STOX2: variants seen among roughly 807,000 people sequenced by gnomAD.
STOX2 encodes storkhead box 2.
Under a neutral mutation model 60.9 loss-of-function variants are expected in STOX2, and 28 were observed. The ratio of observed to expected loss-of-function variants is 0.46; its 90% CI spans 0.34 to 0.63. STOX2 has a LOEUF of 0.63. STOX2 is among the 30% of genes least tolerant of loss of function. The pLI, the probability that STOX2 is intolerant of heterozygous loss-of-function variation, is 0.01. For synonymous variants in STOX2, 472 were observed against 463.9 expected (o/e 1.02, Z -0.22); for missense variants, 1,024 against 1,187.7 (o/e 0.86, Z 2.03).
At chr4:183,930,064 C>G (rs189875572) in intron 1 of STOX2, among the ~76,000 whole-genome samples, 1 of 151,848 alleles carries the variant, frequency 6.6e-6, no homozygotes, top group Non-Finnish European at 1.5e-5. Flanking sequence ...GGAGTTTCAC[C>G]GTATTAGCCA....
chr4:183,867,785 A>G (rs776950839), intron 1 of STOX2, among the ~76,000 whole-genome samples: 119 of 152,236 alleles, frequency 7.8e-4, no homozygotes, highest in Admixed American at 2.2e-3. Context: ...CTCAAGAGAC[A>G]CAAAGGTTGA....
At chr4:183,851,864 AGAAAGGATGAGG>A (rs1740150009) in intron 1 of STOX2, among the ~76,000 whole-genome samples, 1 of 19,444 alleles carries the variant, frequency 5.1e-5, no homozygotes, top group Non-Finnish European at 1.0e-4. Context: ...AAAGGATGAG[AGAAAGGATGAGG>A]GAAAGGATGA....
Position 184,001,213 on chromosome 4 carries a change from C to T in STOX2, c.167-112C>T, listed in dbSNP as rs143524242. ...GGAATTGGCAAGCAGCTGCTATGTTCGGAGCTGACTGTGTTCGTCAGACCA... is the reference window on the plus strand; with the variant it reads ...GGAATTGGCAAGCAGCTGCTATGTTTGGAGCTGACTGTGTTCGTCAGACCA... On this transcript the variant is annotated intron_variant, in intron 1 of 3. Transcript: ENST00000308497. This position sits in a 1 kb window ranked among gnomAD's most constrained non-coding sequence, Gnocchi z 4.2. 9.0e-5 allele frequency: 90 copies of T among 997,912 alleles called. No individual in the cohort carries two copies. The East Asian group carries it at 2.0e-3, about 23-fold the overall frequency. The allele number at this position is 997,912 out of a possible 1,614,324, so 61.8% of individuals were successfully genotyped here.
At chr4:183,909,444 C>T (rs1045960451) in intron 1 of STOX2, among the ~76,000 whole-genome samples, 6 of 152,186 alleles carry the variant, frequency 3.9e-5, no homozygotes, top group African/African-American at 1.4e-4. Context: ...GGTTTAATTA[C>T]TACTGGTATC....
chr4:183,927,477 A>G (rs573214703), intron 1 of STOX2, among the ~76,000 whole-genome samples: 20 of 152,178 alleles, frequency 1.3e-4, no homozygotes, highest in African/African-American at 4.8e-4. Context: ...CCTCTAAAAA[A>G]GGGTCATTTA....
intron 1 of STOX2, among the ~76,000 whole-genome samples, chr4:183,909,517 C>A (rs781711452): frequency 7.2e-5 from 11 of 152,100 alleles, no homozygotes; most frequent in Non-Finnish European, 1.5e-4. Flanking sequence ...GTTCAAAGGA[C>A]AAGATAAGCC....
intron 1 of STOX2, among the ~76,000 whole-genome samples, chr4:183,998,705 C>T: frequency 6.6e-6 from 1 of 152,144 alleles, no homozygotes; most frequent in Non-Finnish European, 1.5e-5. Flanking sequence ...GCATGCCTGG[C>T]TAATTTTTGT....
intron 3 of STOX2, among the ~76,000 whole-genome samples, chr4:184,012,424 T>C (rs887671724): frequency 3.9e-5 from 6 of 152,232 alleles, no homozygotes; most frequent in Non-Finnish European, 7.3e-5. Context: ...GATAGGATTA[T>C]GTACTTCATA....
chr4:184,011,398 G>A lies in STOX2; in HGVS notation c.2560G>A (p.Val854Met). 6.2e-7 allele frequency: 1 copy of A among 1,612,588 alleles called. No individual in the cohort carries two copies. Among genetic ancestry groups the A allele is most frequent in the Non-Finnish European group, 8.5e-7 (1 of 1,179,266 alleles). ...LDSMDSSSITVDSGFNSPRTR... is the reference protein window; with the variant it reads ...LDSMDSSSITMDSGFNSPRTR... The stretch of plus-strand genomic sequence containing the variant: ...CAGCATGGACAGCAGCAGCATCACA[G>A]TGGACAGTGGATTCAACTCCCCACG... Residue 854 changes from valine (V) to methionine (M), a missense_variant, in exon 3 of 4, where the codon GTG becomes ATG. Transcript: ENST00000308497. This position sits in a 1 kb window ranked among gnomAD's most constrained non-coding sequence, Gnocchi z 4.4.
At chr4:183,898,373 G>A (rs562301410) in intron 1 of STOX2, among the ~76,000 whole-genome samples, 5 of 152,268 alleles carry the variant, frequency 3.3e-5, no homozygotes, top group Admixed American at 1.3e-4. Flanking sequence ...GGAAATGTAC[G>A]CTAAGACCCC....
chr4:183,893,702 G>T (rs1375538153), intron 1 of STOX2, among the ~76,000 whole-genome samples: 1 of 152,076 alleles, frequency 6.6e-6, no homozygotes, highest in Admixed American at 6.5e-5. Context: ...TCCTGCAGGT[G>T]ATTTTTCCTG....
intron 1 of STOX2, among the ~76,000 whole-genome samples, chr4:183,954,547 CA>C (rs375308984): frequency 2.6e-5 from 4 of 152,142 alleles, no homozygotes; most frequent in African/African-American, 9.6e-5. Flanking sequence ...CTCGGCCTCC[CA>C]AAGTGCTGGG....
intron 1 of STOX2, among the ~76,000 whole-genome samples, chr4:183,877,061 A>G (rs7686308): frequency 0.98 from 148,545 of 152,276 alleles, 72,558 homozygotes; most frequent in East Asian, 1. Flanking sequence ...GGGTTTTTTT[A>G]ATGCTATAAA....
chr4:183,995,301 T>TTTTTC (rs1490869391), intron 1 of STOX2, among the ~76,000 whole-genome samples: 8 of 58,516 alleles, frequency 1.4e-4, no homozygotes, highest in African/African-American at 3.6e-4. Flanking sequence ...CTTTTTTTTT[T>TTTTTC]TTTTTTTTTT....
In STOX2 at chr4:184,019,751, T is replaced by G. The variant is rs1421696173; in HGVS notation, c.*2467T>G. 1.3e-5 allele frequency: 2 copies of G among 152,224 alleles called. No individual in the cohort carries two copies. The highest frequency in any genetic ancestry group is 2.9e-5 in the Non-Finnish European group (2 of 68,030). The allele number at this position is 152,224 out of a possible 1,614,324, so 9.4% of individuals were successfully genotyped here. On this transcript the variant is annotated 3_prime_UTR_variant, in exon 4 of 4. Transcript: ENST00000308497. ...AAAGGTGATACCATGTAAGCAGATG[T>G]TGCATATAAAAATATTCCTGCCTGA...
In STOX2 at chr4:183,983,432, A is replaced by G. The variant is rs1340340982; in HGVS notation, c.167-17893A>G. Among the ~76,000 whole-genome samples the G allele has an allele frequency of 7.2e-5, 11 of 152,288 alleles. No homozygotes were observed. In the East Asian group the frequency reaches 1.5e-3, roughly 21 times the overall value. The stretch of plus-strand genomic sequence containing the variant: ...GCTAGGATCTCACGTGCTGTGTTTT[A>G]TAAGTGTGTTTTGAGTCGAAAGGAG... On this transcript the variant is annotated intron_variant, in intron 1 of 3. Transcript: ENST00000308497.
At chr4:183,840,249 G>A (rs1739823136) in intron 1 of STOX2, among the ~76,000 whole-genome samples, 1 of 152,174 alleles carries the variant, frequency 6.6e-6, no homozygotes. Context: ...CTGAAAAGCT[G>A]AATTTTTGAG....
chr4:183,881,314 A>G (rs527668584), intron 1 of STOX2, among the ~76,000 whole-genome samples: 3 of 152,302 alleles, frequency 2.0e-5, no homozygotes, highest in Non-Finnish European at 2.9e-5. Context: ...CATCCTGGCC[A>G]ACATGGTGAA....
At chr4:183,928,611 G>A (rs765910978) in intron 1 of STOX2, among the ~76,000 whole-genome samples, 8 of 152,106 alleles carry the variant, frequency 5.3e-5, no homozygotes, top group Non-Finnish European at 1.2e-4. Flanking sequence ...CTGTGAGCGT[G>A]GACCTGAATC....
Sources: gnomAD v4.1 joint callset for allele counts (sites outside exome capture counted in the v4.1 genomes callset) on GRCh38, gnomAD v4.1.1 for gene constraint, Gnocchi (gnomAD v3.1) non-coding constraint, MANE v1.5 for transcripts, NCBI Gene and HGNC (gene_info 2026-07-23, HGNC 2026-07-21) for gene names.